Variants in SASH1 observed in about 807,000 individuals in gnomAD.
The protein encoded by SASH1 is SAM and SH3 domain-containing protein 1.
SASH1 carries 44 observed loss-of-function variants against 125.2 expected under a neutral mutation model. The observed-to-expected ratio is 0.35, with a 90% confidence interval of 0.28 to 0.45. SASH1 has a LOEUF of 0.45. SASH1 is among the 20% of genes least tolerant of loss of function. The pLI is 1.00. For synonymous variants in SASH1, 639 were observed against 649.1 expected (o/e 0.98, Z 0.24); for missense variants, 1,426 against 1,614.5 (o/e 0.88, Z 2.00).
intron 1 of SASH1, among the ~76,000 whole-genome samples, chr6:148,326,126 C>T (rs1780788093): frequency 6.7e-6 from 1 of 149,450 alleles, no homozygotes; most frequent in Admixed American, 6.7e-5. Context: ...CTCCTGGGTT[C>T]AAGCAATTCT....
At chr6:148,490,016 A>T (rs1779035443) in intron 8 of SASH1, among the ~76,000 whole-genome samples, 1 of 91,556 alleles carries the variant, frequency 1.1e-5, no homozygotes, top group Non-Finnish European at 2.1e-5. Flanking sequence ...CTGTCTTTAA[A>T]AAAAAAAAAA....
At chr6:148,242,343 C>T in the SASH1 span, among the ~76,000 whole-genome samples, 2 of 152,176 alleles carry the variant, frequency 1.3e-5, no homozygotes, top group Non-Finnish European at 2.9e-5. Flanking sequence ...GCCAAGAAGG[C>T]AAAGTTCCAT....
chr6:148,420,701 T>C (rs1180465009), intron 2 of SASH1, among the ~76,000 whole-genome samples: 2 of 152,330 alleles, frequency 1.3e-5, no homozygotes, highest in African/African-American at 4.8e-5. Flanking sequence ...TTAATCGTTA[T>C]GTACCCTTTG....
At chr6:148,204,274 T>C in the SASH1 span, among the ~76,000 whole-genome samples, 3 of 152,244 alleles carry the variant, frequency 2.0e-5, no homozygotes, top group Admixed American at 6.5e-5. Context: ...TGGATGCTAC[T>C]GTATAGAAAC....
Position 148,440,381 on chromosome 6 carries a change from C to T in SASH1, c.360C>T (p.Ala120=), listed in dbSNP as rs139742196. 11 of 1,613,952 alleles carry T rather than the reference C, an allele frequency of 6.8e-6. No homozygotes were observed. The highest frequency in any genetic ancestry group is 5.0e-5 in the Admixed American group (3 of 59,994). The change falls in exon 4 of 20, where the codon GCC becomes GCT. Residue 120 remains alanine, a synonymous_variant. Transcript: ENST00000367467. The part of the protein sequence containing the change: ...QIEESLGFCS[A]VSTPEVERKN... ...AGGAGTCGCTTGGCTTCTGTAGCGCCGTGTCAACCCCAGAAGTGGAAAGAA... is the reference window on the plus strand; with the variant it reads ...AGGAGTCGCTTGGCTTCTGTAGCGCTGTGTCAACCCCAGAAGTGGAAAGAA...
intron 1 of SASH1, among the ~76,000 whole-genome samples, chr6:148,302,061 A>G (rs769090443): frequency 1.3e-4 from 19 of 150,198 alleles, no homozygotes; most frequent in Non-Finnish European, 2.2e-4. Context: ...CACGCCTGTA[A>G]TCCCAGCACT....
At chr6:148,214,464 C>T in the SASH1 span, among the ~76,000 whole-genome samples, 2 of 152,124 alleles carry the variant, frequency 1.3e-5, no homozygotes, top group South Asian at 2.1e-4. Flanking sequence ...ATACTTCATT[C>T]TCTGACATTA....
At position 148,447,908 on chromosome 6, in the gene SASH1, C is replaced by T. The variant is rs947382802; in HGVS notation, c.386+7501C>T. Among the ~76,000 whole-genome samples the T allele has an allele frequency of 5.3e-5, 8 of 152,228 alleles. No individual in the cohort carries two copies. The East Asian group carries it at 5.8e-4, about 11-fold the overall frequency. On this transcript the variant is annotated intron_variant, in intron 4 of 19. Transcript: ENST00000367467. Reference sequence around the variant, plus strand: ...AGCCTTGGAAATGCTGCTCCTTCAGCGGGATACTCTGTCTCCCACTCTCAC... The same window carrying T: ...AGCCTTGGAAATGCTGCTCCTTCAGTGGGATACTCTGTCTCCCACTCTCAC...
chr6:148,214,360 T>C, the SASH1 span, among the ~76,000 whole-genome samples: 2 of 152,334 alleles, frequency 1.3e-5, no homozygotes, highest in South Asian at 4.1e-4. Context: ...GTGAAAATGG[T>C]TAGGTTCTTG....
intron 1 of SASH1, among the ~76,000 whole-genome samples, chr6:148,298,733 G>T: frequency 8.5e-6 from 1 of 117,008 alleles, no homozygotes; most frequent in Admixed American, 8.4e-5. Flanking sequence ...AAAGGAGGGA[G>T]GGAGGGAGGG....
chr6:148,393,745 T>A (rs1292000522), intron 2 of SASH1: 1 of 985,072 alleles, frequency 1.0e-6, no homozygotes, highest in Non-Finnish European at 1.2e-6. Flanking sequence ...GCTTAATTAG[T>A]TCCCATCAAA....
At chr6:148,452,818 G>C (rs1777166453) in intron 4 of SASH1, among the ~76,000 whole-genome samples, 1 of 152,168 alleles carries the variant, frequency 6.6e-6, no homozygotes, top group East Asian at 1.9e-4. Flanking sequence ...CACTGGCCAT[G>C]GTCCCCTAAA....
At chr6:148,409,687 G>C (rs1450482151) in intron 2 of SASH1, among the ~76,000 whole-genome samples, 1 of 152,232 alleles carries the variant, frequency 6.6e-6, no homozygotes, top group Non-Finnish European at 1.5e-5. Context: ...TGTAATCCCA[G>C]CATTCTGGGA....
chr6:148,547,532 A>C (rs1782642166), intron 19 of SASH1, among the ~76,000 whole-genome samples: 1 of 152,244 alleles, frequency 6.6e-6, no homozygotes, highest in African/African-American at 2.4e-5. Context: ...AGTGTACTCT[A>C]GTAGTGAGTC....
intron 1 of SASH1, among the ~76,000 whole-genome samples, chr6:148,274,407 C>G (rs867456221): frequency 2.0e-5 from 3 of 152,190 alleles, no homozygotes; most frequent in Non-Finnish European, 4.4e-5. Flanking sequence ...ACTGGTTGCC[C>G]GCAGTTCTTT....
intron 5 of SASH1, 91 bp downstream of exon 5, chr6:148,468,676 C>T: frequency 1.3e-6 from 1 of 792,730 alleles, no homozygotes; most frequent in Non-Finnish European, 2.0e-6. Flanking sequence ...CCACAAGAAT[C>T]CTTCTACTCA....
chr6:148,342,623 C>T (rs937514438), upstream of SASH1: 2 of 152,184 alleles, frequency 1.3e-5, no homozygotes, highest in Non-Finnish European at 2.9e-5. Flanking sequence ...GGGGAGCTCC[C>T]TCCAAGATCT....
At chr6:148,203,827 G>A in the SASH1 span, among the ~76,000 whole-genome samples, 1 of 152,138 alleles carries the variant, frequency 6.6e-6, no homozygotes, top group African/African-American at 2.4e-5. Context: ...AATCCATTAG[G>A]TTCTTTATTA....
At chr6:148,380,310 T>C (rs748484516) in intron 1 of SASH1, among the ~76,000 whole-genome samples, 2 of 152,248 alleles carry the variant, frequency 1.3e-5, no homozygotes, top group Non-Finnish European at 1.5e-5. Flanking sequence ...GTACATCATT[T>C]AACCATAGTA....
Sources: gnomAD v4.1 joint callset for allele counts (sites outside exome capture counted in the v4.1 genomes callset) on GRCh38, gnomAD v4.1.1 for gene constraint, MANE v1.5 for transcripts, NCBI Gene and HGNC (gene_info 2026-07-23, HGNC 2026-07-21) for gene names.